TTC8: variants seen among roughly 807,000 people sequenced by gnomAD.
TTC8 encodes tetratricopeptide repeat domain 8.
Under a neutral mutation model 72.5 loss-of-function variants are expected in TTC8, and 47 were observed. The ratio of observed to expected loss-of-function variants is 0.65; its 90% CI spans 0.51 to 0.83. The LOEUF (loss-of-function observed/expected upper bound fraction) is 0.83, where lower values mean the gene tolerates loss of function less well. TTC8 is among the 40% of genes least tolerant of loss of function. The pLI is 0.00. For missense variants in TTC8, 611 were observed against 623.2 expected, an observed-to-expected ratio of 0.98 and a Z score of 0.21; for synonymous variants, 199 against 221.4, an observed-to-expected ratio of 0.90 and a Z score of 0.90.
chr14:88,824,600 G>T, upstream of TTC8: 1 of 854,922 alleles, frequency 1.2e-6, no homozygotes, highest in Non-Finnish European at 1.9e-6. Flanking sequence ...TCTCGGACAA[G>T]GCCCCAGCCG....
In TTC8 at chr14:88,861,350, T is replaced by C. The variant is rs111707320; in HGVS notation, c.909+18T>C. The stretch of plus-strand genomic sequence containing the variant: ...TCTATGAGGTAATTCATGTTATTAT[T>C]ATTATTATTTATTGATACACAATAG... On this transcript the variant is annotated intron_variant, in intron 10 of 14. Coordinates refer to ENST00000380656, the MANE Select transcript of TTC8 (RefSeq NM_144596.4). 2.4e-4 allele frequency: 362 copies of C among 1,500,342 alleles called. 5 individuals carry two copies. The South Asian group carries it at 2.9e-3, about 12-fold the overall frequency. The allele number at this position is 1,500,342 out of a possible 1,614,324, so 92.9% of individuals were successfully genotyped here.
chr14:88,854,430 T>G (rs1219918601), intron 8 of TTC8, among the ~76,000 whole-genome samples: 2 of 152,220 alleles, frequency 1.3e-5, no homozygotes, highest in Non-Finnish European at 2.9e-5. Flanking sequence ...TGCCAGGAAC[T>G]GGGAGTACAA....
intron 7 of TTC8, 26 bp from the exon 8 acceptor site, chr14:88,852,945 T>C: frequency 6.3e-7 from 1 of 1,587,092 alleles, no homozygotes; most frequent in Non-Finnish European, 8.7e-7. Flanking sequence ...AAGAAAATAC[T>C]AATCTAAAAT....
At chr14:88,862,139 A>G (rs1456405332) in intron 10 of TTC8, among the ~76,000 whole-genome samples, 1 of 152,132 alleles carries the variant, frequency 6.6e-6, no homozygotes, top group Middle Eastern at 3.4e-3. Context: ...CATCCTTGCC[A>G]GCATTTGTTA....
upstream of TTC8, chr14:88,824,450 T>G (rs183482328): frequency 1.3e-3 from 656 of 500,274 alleles, 9 homozygotes; most frequent in East Asian, 0.021. Flanking sequence ...TTAGCCGCGG[T>G]GCCTTCTTTT....
intron 9 of TTC8, among the ~76,000 whole-genome samples, chr14:88,859,528 G>A (rs2094873870): frequency 6.6e-6 from 1 of 151,994 alleles, no homozygotes; most frequent in Admixed American, 6.6e-5. Flanking sequence ...GGTGTAAGGA[G>A]GGAGAGGAGC....
At chr14:88,838,281 C>T (rs1446708011) in intron 2 of TTC8, among the ~76,000 whole-genome samples, 1 of 152,086 alleles carries the variant, frequency 6.6e-6, no homozygotes, top group Non-Finnish European at 1.5e-5. Flanking sequence ...AATTAGGATC[C>T]GTGTTTTAAT....
chr14:88,874,159 C>T (rs530541103), intron 13 of TTC8, among the ~76,000 whole-genome samples: 1 of 152,092 alleles, frequency 6.6e-6, no homozygotes, highest in African/African-American at 2.4e-5. Context: ...CTCTAGCATG[C>T]AATTGACTTG....
intron 9 of TTC8, among the ~76,000 whole-genome samples, chr14:88,857,935 A>C (rs2094864722): frequency 6.6e-6 from 1 of 151,128 alleles, no homozygotes; most frequent in Non-Finnish European, 1.5e-5. Context: ...AGCAGAAATG[A>C]TGGGGCCACC....
intron 1 of TTC8, among the ~76,000 whole-genome samples, chr14:88,832,643 A>G (rs1195607670): frequency 2.6e-5 from 4 of 152,226 alleles, no homozygotes; most frequent in Non-Finnish European, 4.4e-5. Flanking sequence ...TGAGACTCAA[A>G]TGAGATAATG....
chr14:88,840,741 A>G (rs987489436), intron 3 of TTC8, 124 bp from the exon 4 acceptor site: 1 of 921,728 alleles, frequency 1.1e-6, no homozygotes, highest in African/African-American at 1.7e-5. Flanking sequence ...ATCTCCCTAA[A>G]ATACATTTCT....
rs1300765886 is a variant in TTC8 at position 88,835,270 on chromosome 14, A to G, written c.144+1548A>G. Among the ~76,000 whole-genome samples the G allele has an allele frequency of 2.0e-5, 3 of 152,232 alleles. No homozygotes were observed. In the East Asian group the frequency reaches 5.8e-4, roughly 29 times the overall value. ...TTAAGAGTAACAGAATAATTTAAAC[A>G]TGCTTTGCTCAGTCAGCAGAGTTTT... On this transcript the variant is annotated intron_variant, in intron 2 of 14. Coordinates refer to ENST00000380656, the MANE Select transcript of TTC8 (RefSeq NM_144596.4).
intron 6 of TTC8, 58 bp from the exon 7 acceptor site, chr14:88,843,748 G>T: frequency 1.5e-6 from 2 of 1,342,920 alleles, no homozygotes; most frequent in South Asian, 1.3e-5. Context: ...GAGTACTTTT[G>T]TTAACAGCAA....
intron 7 of TTC8, among the ~76,000 whole-genome samples, chr14:88,845,550 C>T (rs2094802350): frequency 6.6e-6 from 1 of 152,114 alleles, no homozygotes; most frequent in African/African-American, 2.4e-5. Flanking sequence ...AGAAACCATG[C>T]ACACTTCTGT....
chr14:88,858,598 AT>A (rs369849866), intron 9 of TTC8, among the ~76,000 whole-genome samples: 63 of 147,160 alleles, frequency 4.3e-4, no homozygotes, highest in Admixed American at 5.5e-4. Context: ...AACTTAAACA[AT>A]TTTTTTTTTT....
At chr14:88,835,226 A>G (rs1245441325) in intron 2 of TTC8, among the ~76,000 whole-genome samples, 1 of 152,190 alleles carries the variant, frequency 6.6e-6, no homozygotes, top group Non-Finnish European at 1.5e-5. Context: ...GCTTTAATCT[A>G]CTGGCCTTGC....
chr14:88,835,428 A>G (rs921855828), intron 2 of TTC8, among the ~76,000 whole-genome samples: 2 of 152,186 alleles, frequency 1.3e-5, no homozygotes, highest in African/African-American at 4.8e-5. Context: ...AGACTAACTC[A>G]GTTGGTGAGT....
chr14:88,879,611 G>A (rs1372892930), downstream of TTC8: 6 of 151,192 alleles, frequency 4.0e-5, no homozygotes, highest in African/African-American at 1.2e-4. Context: ...ACAATTTATG[G>A]CCTACAGATA....
intron 6 of TTC8, among the ~76,000 whole-genome samples, chr14:88,843,338 C>A (rs2094790892): frequency 6.6e-6 from 1 of 152,146 alleles, no homozygotes; most frequent in Non-Finnish European, 1.5e-5. Flanking sequence ...TATTCTGAAT[C>A]ATAGAGTTAC....
Sources: allele counts gnomAD v4.1 joint callset (sites outside exome capture counted in the v4.1 genomes callset), GRCh38; gene constraint gnomAD v4.1.1; transcripts MANE v1.5; gene names NCBI Gene and HGNC (gene_info 2026-07-23, HGNC 2026-07-21).